Variants in SP110 observed in about 807,000 individuals in gnomAD.
SP110 encodes interferon-induced protein 41, 30kD.
Under a neutral mutation model 92.7 loss-of-function variants are expected in SP110, and 62 were observed. The ratio of observed to expected loss-of-function variants is 0.67; its 90% CI spans 0.55 to 0.83. The LOEUF is 0.83. Ranked by LOEUF, SP110 falls within the 40% of genes least tolerant of loss-of-function variation. The pLI is 0.00. For missense variants in SP110, 793 were observed against 863.9 expected, an observed-to-expected ratio of 0.92 and a Z score of 1.03; for synonymous variants, 273 against 305.3, an observed-to-expected ratio of 0.89 and a Z score of 1.10.
chr2:230,184,591 T>C (rs1224915601), intron 11 of SP110, among the ~76,000 whole-genome samples: 1 of 152,178 alleles, frequency 6.6e-6, no homozygotes, highest in Non-Finnish European at 1.5e-5. Context: ...GATTTGTCTA[T>C]CTAACTAAGC....
In SP110 at chr2:230,178,215, C is replaced by T. The variant is rs945710964; in HGVS notation, c.1389G>A (p.Lys463=). ...KSDTVDFHCS[K]LPVTCGEAKG... ...TCGCCTCACCACAGGTCACGGGGAGCTTAGAACAGTGAAAATCCACAGTGT... is the reference window on the plus strand; with the variant it reads ...TCGCCTCACCACAGGTCACGGGGAGTTTAGAACAGTGAAAATCCACAGTGT... The change falls in exon 13 of 19, where the codon AAG becomes AAA. Residue 463 remains lysine, a synonymous_variant. Coordinates refer to ENST00000258381, the MANE Select transcript of SP110 (RefSeq NM_080424.4). The T allele has an allele frequency of 1.9e-6, 3 of 1,613,556 alleles. No homozygotes were observed. Among genetic ancestry groups the T allele is most frequent in the African/African-American group, 2.7e-5 (2 of 74,896 alleles).
intron 10 of SP110, among the ~76,000 whole-genome samples, chr2:230,198,149 G>T (rs2042965717): frequency 8.0e-6 from 1 of 125,180 alleles, no homozygotes; most frequent in African/African-American, 3.4e-5. Context: ...GGCCCTCCAG[G>T]GCTGCTGTCC....
chr2:230,172,227 C>T, intron 15 of SP110, 53 bp from the exon 16 acceptor site: 1 of 1,128,416 alleles, frequency 8.9e-7, no homozygotes, highest in East Asian at 2.3e-5. Context: ...GAAATGGCCA[C>T]CATTCCTGTG....
At position 230,186,026 on chromosome 2, in the gene SP110, C is replaced by T. The variant is rs1248206158; in HGVS notation, c.1247G>A (p.Arg416Lys). Residue 416 changes from arginine to lysine, a missense_variant, in exon 11 of 19, where the codon AGA becomes AAA. Arg to Lys is a conservative substitution (Grantham distance 26). Coordinates refer to ENST00000258381, the MANE Select transcript of SP110 (RefSeq NM_080424.4). ...TCTGGACTTTCGGGCACATTTAGTT[C>T]TTGCCTTTTGGACCCTCATCATGAC... Reference protein sequence around the residue: ...SEVMMRVQKARTKCARKSRLK... With the variant: ...SEVMMRVQKAKTKCARKSRLK... 1.2e-6 allele frequency: 2 copies of T among 1,614,116 alleles called. No individual in the cohort carries two copies. The highest frequency in any genetic ancestry group is 4.5e-5 in the East Asian group (2 of 44,888).
chr2:230,172,767 C>A, intron 15 of SP110, 77 bp downstream of exon 15: 1 of 982,314 alleles, frequency 1.0e-6, no homozygotes, highest in Non-Finnish European at 1.6e-6. Context: ...CACCCTCGTC[C>A]CCGACGCTCA....
In SP110 at chr2:230,211,550, G is replaced by C. The variant is rs754038132; in HGVS notation, c.671C>G (p.Ala224Gly). 7 of 1,596,310 alleles carry C rather than the reference G, an allele frequency of 4.4e-6. No individual in the cohort carries two copies. Among genetic ancestry groups the C allele is most frequent in the Non-Finnish European group, 6.0e-6 (7 of 1,163,932 alleles). ...PSLLTSTVQV[A>G]SDNLIPQIRD... ...TATTTGGGGGATCAGGTTGTCACTG[G>C]CCACTGAATGGAGGAAGAAAAAGTT... The change falls in exon 6 of 19, where the codon GCC becomes GGC. Residue 224 changes from alanine to glycine, a missense_variant. By Grantham distance (60) the Ala-to-Gly change is moderately conservative. Transcript: ENST00000258381. The surrounding 1 kb of genome is among the most constrained non-coding windows in gnomAD (Gnocchi z 4.2).
intron 1 of SP110, among the ~76,000 whole-genome samples, chr2:230,218,012 C>T (rs1165380432): frequency 3.3e-5 from 5 of 152,216 alleles, no homozygotes; most frequent in South Asian, 2.1e-4. Flanking sequence ...CTCAGACATG[C>T]GCCTTTTCCC....
rs572562674 is a variant in SP110 at position 230,177,980 on chromosome 2, G to A, written c.1447+177C>T. On this transcript the variant is annotated intron_variant, in intron 13 of 18. Transcript: ENST00000258381. ...ACTTCCAGGTGGGAGTGGAGGGTCT[G>A]ATTGCCAGAAATACCATGATGTGGA... Among the ~76,000 whole-genome samples, 298 of 152,302 alleles carry A rather than the reference G, an allele frequency of 2.0e-3. 1 individual carries two copies. The highest frequency in any genetic ancestry group is 7.0e-3 in the African/African-American group (291 of 41,550).
intron 17 of SP110, 78 bp from the exon 18 acceptor site, chr2:230,170,839 G>A: frequency 2.1e-6 from 3 of 1,433,842 alleles, no homozygotes; most frequent in Non-Finnish European, 2.9e-6. Context: ...TACAATCCAA[G>A]CCTTCATTTC....
Position 230,211,392 on chromosome 2 carries a change from T to C in SP110, c.751+78A>G, listed in dbSNP as rs1345408103. 5 of 923,922 alleles carry C rather than the reference T, an allele frequency of 5.4e-6. No individual in the cohort carries two copies. The highest frequency in any genetic ancestry group is 2.6e-5 in the South Asian group (2 of 77,310). 57.2% of individuals were successfully genotyped at this position (923,922 alleles called of 1,614,324 possible). On this transcript the variant is annotated intron_variant, in intron 6 of 18. Transcript: ENST00000258381. This position sits in a 1 kb window ranked among gnomAD's most constrained non-coding sequence, Gnocchi z 4.2. ...AGAGGCAGGAGGAGAGCCCCCTCTC[T>C]AGAAGATCCGAATGGCTTTTCCTCT...
At chr2:230,201,960 C>G (rs1035997083) in intron 9 of SP110, among the ~76,000 whole-genome samples, 7 of 152,294 alleles carry the variant, frequency 4.6e-5, no homozygotes, top group Admixed American at 2.0e-4. Flanking sequence ...AACTAGATAT[C>G]TGTGTAAGGC....
upstream of SP110, among the ~76,000 whole-genome samples, chr2:230,223,476 G>A (rs2045985692): frequency 6.6e-6 from 1 of 152,182 alleles, no homozygotes; most frequent in South Asian, 2.1e-4. Context: ...CATTCTGTGA[G>A]CTACCCAATA....
chr2:230,200,892 G>A lies in SP110; in HGVS notation c.1122C>T (p.Val374=). 6.2e-7 allele frequency: 1 copy of A among 1,611,568 alleles called. No homozygotes were observed. The highest frequency in any genetic ancestry group is 8.5e-7 in the Non-Finnish European group (1 of 1,177,684). ...GCAATCTCCAAGTTTTACCTTGTGTGACCCTTCGTGGTGTACTAGGCGTCT... is the reference window on the plus strand; with the variant it reads ...GCAATCTCCAAGTTTTACCTTGTGTAACCCTTCGTGGTGTACTAGGCGTCT... The part of the protein sequence containing the change: ...SQKTPSTPRR[V]TQGAASPGHG... Residue 374 remains valine (V), a synonymous_variant, in exon 10 of 19, where the codon GTC becomes GTT. Transcript: ENST00000258381.
intron 10 of SP110, among the ~76,000 whole-genome samples, chr2:230,197,578 T>G (rs1309530956): frequency 1.3e-5 from 2 of 150,730 alleles, no homozygotes; most frequent in Non-Finnish European, 3.0e-5. Flanking sequence ...TTGTCTTTTG[T>G]TGCCATTGCT....
intron 14 of SP110, among the ~76,000 whole-genome samples, chr2:230,175,721 G>A (rs1278723290): frequency 6.6e-6 from 1 of 152,078 alleles, no homozygotes; most frequent in Non-Finnish European, 1.5e-5. Context: ...GGTTGAGGAG[G>A]GGGAGTTAGT....
Position 230,168,998 on chromosome 2 carries a change from A to C in SP110, c.*126T>G. On this transcript the variant is annotated 3_prime_UTR_variant, in exon 19 of 19. Transcript: ENST00000258381. ...GATGGAGGGTGTGATAATCCTATGAAGTGTCTGGGTTTGGGTCCTGAGGGC... is the reference window on the plus strand; with the variant it reads ...GATGGAGGGTGTGATAATCCTATGACGTGTCTGGGTTTGGGTCCTGAGGGC... 1.3e-6 allele frequency: 1 copy of C among 758,010 alleles called. No homozygotes were observed. 47.0% of individuals were successfully genotyped at this position (758,010 alleles called of 1,614,324 possible). A position where few individuals can be genotyped will look rare whatever the true frequency, so the allele number is the denominator to read the frequency against.
intron 10 of SP110, among the ~76,000 whole-genome samples, chr2:230,188,865 C>T (rs1295359297): frequency 6.6e-6 from 1 of 151,968 alleles, no homozygotes; most frequent in Non-Finnish European, 1.5e-5. Flanking sequence ...TGATGGGCTG[C>T]TGGATTCAAT....
rs141140613 is a variant in SP110 at position 230,225,044 on chromosome 2, A to G, written c.-64+491T>C. 2.8e-3 allele frequency among the ~76,000 whole-genome samples: 419 copies of G among 152,350 alleles called. 2 individuals are homozygous for G. The highest frequency in any genetic ancestry group is 5.0e-3 in the Non-Finnish European group (337 of 68,028). On this transcript the variant is annotated intron_variant, in intron 1 of 15. Coordinates refer to the SP110 transcript ENST00000540870. ...AAATGTAATACAGCTATCCTCCTGT[A>G]TCATATTGTCCTTGAAGGTCTAGAT... is the stretch of plus-strand genomic sequence containing the variant.
chr2:230,183,581 G>C lies in SP110; in HGVS notation c.1339C>G (p.His447Asp), dbSNP rs201792914. ...TGGCTTGCTTGCTTACCTCTTCGGT[G>C]AATATTTTTCTGAAATCTCCTTTTT... ...SSKRRFQKNI[H>D]RRGKPKSDTV... The change falls in exon 12 of 19, where the codon CAC becomes GAC. Residue 447 changes from histidine (H) to aspartate (D), a missense_variant. His to Asp is a moderately conservative substitution (Grantham distance 81). Coordinates refer to ENST00000258381, the MANE Select transcript of SP110 (RefSeq NM_080424.4). 57 of 1,609,400 alleles carry C rather than the reference G, an allele frequency of 3.5e-5. No homozygotes were observed. In the South Asian group the frequency reaches 5.5e-4, roughly 16 times the overall value.
Sources: allele counts gnomAD v4.1 joint callset (sites outside exome capture counted in the v4.1 genomes callset), GRCh38; gene constraint gnomAD v4.1.1; non-coding constraint Gnocchi (gnomAD v3.1); transcripts MANE v1.5; gene names NCBI Gene and HGNC (gene_info 2026-07-23, HGNC 2026-07-21).